IL1RAPL2: variants seen among roughly 807,000 people sequenced by gnomAD.
The protein encoded by IL1RAPL2 is X-linked interleukin-1 receptor accessory protein-like 2.
A neutral mutation model predicts 44.1 loss-of-function variants in IL1RAPL2; 3 were observed. The observed-to-expected ratio is 0.07, with a 90% CI of 0.03 to 0.18. The LOEUF is 0.18. IL1RAPL2 is among the 10% of genes least tolerant of loss of function. The pLI, the probability that IL1RAPL2 is intolerant of heterozygous loss-of-function variation, is 1.00. For missense variants in IL1RAPL2, 391 were observed against 496.4 expected (o/e 0.79, Z 2.02); for synonymous variants, 181 against 178.8 (o/e 1.01, Z -0.10).
intron 5 of IL1RAPL2, among the ~76,000 whole-genome samples, chrX:105,296,744 T>C (rs7887332): frequency 0.036 from 4,090 of 112,261 alleles, 203 homozygotes; most frequent in African/African-American, 0.12. Context: ...AAAAATTCTG[T>C]CACCTTTAAT....
chrX:105,268,479 G>A (rs769476731), intron 5 of IL1RAPL2, among the ~76,000 whole-genome samples: 1 of 110,870 alleles, frequency 9.0e-6, no homozygotes, highest in East Asian at 2.9e-4. Context: ...GTTGTATGCT[G>A]AGGCCAGCGC....
At chrX:105,219,224 C>A (rs1556173296) in intron 3 of IL1RAPL2, 2 of 1,210,915 alleles carry the variant, frequency 1.7e-6, no homozygotes, top group Non-Finnish European at 2.2e-6. Context: ...GGTGCTGTGA[C>A]TGTTGCTTGT....
chrX:105,062,946 A>T lies in IL1RAPL2; in HGVS notation c.83-132529A>T, dbSNP rs534108262. ...GGGTTAGATCTCCTTGGTGTTCTAT[A>T]ACCTTCTTGTACTTGAATATTGATA... On this transcript the variant is annotated intron_variant, in intron 2 of 10. Transcript: ENST00000372582. Among the ~76,000 whole-genome samples, 63 of 111,294 alleles carry T rather than the reference A, an allele frequency of 5.7e-4. No individual in the cohort carries two copies. In the South Asian group the frequency reaches 0.023, roughly 41 times the overall value.
intron 2 of IL1RAPL2, among the ~76,000 whole-genome samples, chrX:105,150,401 T>C (rs778846892): frequency 9.8e-5 from 11 of 112,320 alleles, no homozygotes; most frequent in African/African-American, 3.6e-4. Flanking sequence ...TGTTCAAATA[T>C]TTCACTGGAG....
At chrX:105,131,428 CAAAT>C (rs2033025329) in intron 2 of IL1RAPL2, among the ~76,000 whole-genome samples, 1 of 109,772 alleles carries the variant, frequency 9.1e-6, no homozygotes, top group African/African-American at 3.3e-5. Context: ...AATATATAAA[CAAAT>C]GAGGGTGGTT....
At chrX:104,733,865 G>T (rs942087110) in intron 2 of IL1RAPL2, among the ~76,000 whole-genome samples, 1 of 110,314 alleles carries the variant, frequency 9.1e-6, no homozygotes. Flanking sequence ...CACAGACTGG[G>T]AGAAATATTG....
intron 2 of IL1RAPL2, among the ~76,000 whole-genome samples, chrX:105,062,338 CCTTG>C (rs1262892847): frequency 4.5e-5 from 5 of 111,523 alleles, no homozygotes; most frequent in African/African-American, 1.6e-4. Context: ...CCTTTTTTGT[CCTTG>C]CTTTTTAACT....
intron 6 of IL1RAPL2, among the ~76,000 whole-genome samples, chrX:105,489,787 T>TTCTCTCTCTCTCTCTCTC (rs36081932): frequency 8.5e-4 from 62 of 73,360 alleles, no homozygotes; most frequent in African/African-American, 3.0e-3. Context: ...CTTTCTCTCT[T>TTCTCTCTCTCTCTCTCTC]TCTCTCTCTC....
rs576085397 is a variant in IL1RAPL2 at position 104,898,020 on chromosome X, T to C, written c.82+239025T>C. ...CTTAACTGAGATGGCTGATCTTAAG[T>C]GTTGAATATAAGCCCCCGTTCTTGG... On this transcript the variant is annotated intron_variant, in intron 2 of 10. Coordinates refer to ENST00000372582, the MANE Select transcript of IL1RAPL2 (RefSeq NM_017416.2). Among the ~76,000 whole-genome samples, 158 of 112,077 alleles carry C rather than the reference T, an allele frequency of 1.4e-3. 1 individual carries two copies. The highest frequency in any genetic ancestry group is 4.8e-3 in the African/African-American group (147 of 30,904).
intron 2 of IL1RAPL2, among the ~76,000 whole-genome samples, chrX:104,733,619 A>AAATAATAATAAT (rs3081204): frequency 0.077 from 7,594 of 98,760 alleles, 326 homozygotes; most frequent in Non-Finnish European, 0.098. Flanking sequence ...CTCTGTCTCA[A>AAATAATAATAAT]AATAATAATA....
chrX:105,382,094 G>T (rs2035436047), intron 5 of IL1RAPL2, among the ~76,000 whole-genome samples: 2 of 110,921 alleles, frequency 1.8e-5, no homozygotes, highest in African/African-American at 6.6e-5. Flanking sequence ...AAAAGCAATG[G>T]CAACAAAAGC....
At chrX:104,694,591 A>T (rs886364925) in intron 2 of IL1RAPL2, among the ~76,000 whole-genome samples, 1 of 111,606 alleles carries the variant, frequency 9.0e-6, no homozygotes, top group East Asian at 2.8e-4. Context: ...GTGAAGGGGA[A>T]TGGGGTCCAG....
chrX:104,839,851 C>A (rs566122825), intron 2 of IL1RAPL2, among the ~76,000 whole-genome samples: 1 of 111,289 alleles, frequency 9.0e-6, no homozygotes, highest in Non-Finnish European at 1.9e-5. Context: ...TCCATTTCTT[C>A]TGGATTTTCT....
intron 2 of IL1RAPL2, among the ~76,000 whole-genome samples, chrX:104,777,881 A>T (rs1213062712): frequency 9.0e-6 from 1 of 111,181 alleles, no homozygotes. Flanking sequence ...GAGCTATACC[A>T]AGAAGTGGAG....
intron 2 of IL1RAPL2, among the ~76,000 whole-genome samples, chrX:104,902,292 T>G (rs926259856): frequency 8.9e-6 from 1 of 112,272 alleles, no homozygotes. Flanking sequence ...TACCAAGTAC[T>G]TTTTGACACA....
At chrX:105,602,144 T>C (rs1214567455) in intron 6 of IL1RAPL2, among the ~76,000 whole-genome samples, 2 of 111,076 alleles carry the variant, frequency 1.8e-5, no homozygotes, top group Non-Finnish European at 3.8e-5. Flanking sequence ...AGTGGTAAAG[T>C]TTCTGCATAC....
At chrX:104,726,463 A>G (rs1439734472) in intron 2 of IL1RAPL2, among the ~76,000 whole-genome samples, 3 of 111,699 alleles carry the variant, frequency 2.7e-5, no homozygotes, top group Non-Finnish European at 3.8e-5. Flanking sequence ...TCTATAAATT[A>G]CTTTGGGCAG....
chrX:104,944,099 C>T (rs1925278396), intron 2 of IL1RAPL2, among the ~76,000 whole-genome samples: 1 of 111,562 alleles, frequency 9.0e-6, no homozygotes, highest in East Asian at 2.8e-4. Context: ...GACTAATGTA[C>T]AATTTATGAC....
At chrX:105,140,052 A>G (rs2033112590) in intron 2 of IL1RAPL2, among the ~76,000 whole-genome samples, 1 of 112,204 alleles carries the variant, frequency 8.9e-6, no homozygotes, top group Non-Finnish European at 1.9e-5. Context: ...AGAGAGAAAC[A>G]AAAGAAATAA....
Sources: gnomAD v4.1 joint callset for allele counts (sites outside exome capture counted in the v4.1 genomes callset) on GRCh38, gnomAD v4.1.1 for gene constraint, MANE v1.5 for transcripts, NCBI Gene and HGNC (gene_info 2026-07-23, HGNC 2026-07-21) for gene names.